The following BRINP3 variants were observed in gnomAD, a reference collection of about 807,000 sequenced individuals.
The protein encoded by BRINP3 is BMP/retinoic acid-inducible neural-specific protein 3.
BRINP3 carries 19 observed loss-of-function variants against 71.0 expected under a neutral mutation model. That is an observed-to-expected ratio of 0.27 (90% confidence interval 0.19 to 0.39). BRINP3 has a LOEUF of 0.39. Ranked by LOEUF, BRINP3 falls within the 10% of genes least tolerant of loss-of-function variation. The pLI is 1.00. For synonymous variants in BRINP3, 380 were observed against 337.7 expected, an observed-to-expected ratio of 1.13 and a Z score of -1.37; for missense variants, 959 against 940.8, an observed-to-expected ratio of 1.02 and a Z score of -0.25.
At chr1:190,217,884 A>G (rs1656543970) in intron 6 of BRINP3, among the ~76,000 whole-genome samples, 1 of 152,068 alleles carries the variant, frequency 6.6e-6, no homozygotes, top group Non-Finnish European at 1.5e-5. Context: ...TCTAATCAGT[A>G]CTTCAAAATC....
intron 2 of BRINP3, among the ~76,000 whole-genome samples, chr1:190,358,599 T>C (rs1022176020): frequency 3.3e-5 from 5 of 152,152 alleles, no homozygotes; most frequent in African/African-American, 7.2e-5. Flanking sequence ...TGGAAGTCAG[T>C]GTGGCGATTC....
At chr1:190,237,472 A>C (rs1251616938) in intron 4 of BRINP3, among the ~76,000 whole-genome samples, 2 of 151,964 alleles carry the variant, frequency 1.3e-5, no homozygotes, top group East Asian at 3.9e-4. Flanking sequence ...ACAGAATAGC[A>C]GTTTACTTGT....
chr1:190,249,906 C>T (rs935366170), intron 4 of BRINP3, among the ~76,000 whole-genome samples: 38 of 151,652 alleles, frequency 2.5e-4, no homozygotes, highest in African/African-American at 9.2e-4. Context: ...ACAAAATTTC[C>T]ATTTATGAGT....
intron 7 of BRINP3, among the ~76,000 whole-genome samples, chr1:190,100,677 C>G (rs1036872776): frequency 5.3e-5 from 8 of 152,068 alleles, no homozygotes; most frequent in Non-Finnish European, 1.2e-4. Context: ...CACGCAAAAG[C>G]CTTTCTTGTC....
chr1:190,468,389 A>G (rs1202131807), intron 1 of BRINP3, among the ~76,000 whole-genome samples: 1 of 151,326 alleles, frequency 6.6e-6, no homozygotes, highest in Non-Finnish European at 1.5e-5. Context: ...AGCCTGTCAT[A>G]TAATGACAAA....
At chr1:190,189,647 C>A (rs772621152) in intron 6 of BRINP3, among the ~76,000 whole-genome samples, 10 of 151,834 alleles carry the variant, frequency 6.6e-5, no homozygotes, top group Non-Finnish European at 1.3e-4. Flanking sequence ...ATTCTACTCA[C>A]TTTTTTTAAT....
At chr1:190,308,539 GC>G (rs1428308157) in intron 2 of BRINP3, among the ~76,000 whole-genome samples, 3 of 151,692 alleles carry the variant, frequency 2.0e-5, no homozygotes, top group East Asian at 2.0e-4. Context: ...TATACCTAAT[GC>G]TAAATGACGA....
intron 2 of BRINP3, among the ~76,000 whole-genome samples, chr1:190,296,194 C>A (rs944910957): frequency 1.3e-5 from 2 of 149,610 alleles, no homozygotes; most frequent in Non-Finnish European, 3.0e-5. Flanking sequence ...ATATTTAAGT[C>A]TTTAATATTC....
Position 190,098,679 on chromosome 1 carries a change from A to G in BRINP3, c.1640T>C (p.Val547Ala). Residue 547 changes from valine (V) to alanine (A), a missense_variant, in exon 8 of 8, where the codon GTC becomes GCC. Transcript: ENST00000367462. ...TAAAGAGAGACCCAAAATCATATGGACCAGACTTGACTTGTACTTATTGCT... is the reference window on the plus strand; with the variant it reads ...TAAAGAGAGACCCAAAATCATATGGGCCAGACTTGACTTGTACTTATTGCT... ...LKSNKYKSSL[V>A]HMILGLSLQI... 6.2e-7 allele frequency: 1 copy of G among 1,614,176 alleles called. No homozygotes were observed. Among genetic ancestry groups the G allele is most frequent in the East Asian group, 2.2e-5 (1 of 44,868 alleles).
intron 2 of BRINP3, among the ~76,000 whole-genome samples, chr1:190,454,280 A>C (rs1675840881): frequency 6.6e-6 from 1 of 152,196 alleles, no homozygotes; most frequent in Non-Finnish European, 1.5e-5. Context: ...TACCATTTCC[A>C]TTTAGGCTGA....
chr1:190,455,950 C>CTTT lies in BRINP3; in HGVS notation c.-50-1011_-50-1010insAAA, dbSNP rs376009118. Among the ~76,000 whole-genome samples, 517 of 152,188 alleles carry CTTT rather than the reference C, an allele frequency of 3.4e-3. 3 individuals carry two copies. Among genetic ancestry groups the CTTT allele is most frequent in the African/African-American group, 0.012 (506 of 41,524 alleles). On this transcript the variant is annotated intron_variant, in intron 1 of 7. Transcript: ENST00000367462. ...TTTGAATTCAATTTTTCTTTCTATC[C>CTTT]TCATCAGCTTTTCAAACTGTATTAT...
intron 6 of BRINP3, among the ~76,000 whole-genome samples, chr1:190,205,013 G>T (rs1439495461): frequency 2.0e-5 from 3 of 151,330 alleles, no homozygotes; most frequent in African/African-American, 7.3e-5. Context: ...AAATCAGCCC[G>T]GACGATGTAT....
chr1:190,223,728 T>G (rs1024896502), intron 6 of BRINP3, among the ~76,000 whole-genome samples: 1 of 151,774 alleles, frequency 6.6e-6, no homozygotes, highest in African/African-American at 2.4e-5. Context: ...AAAGAAGAAG[T>G]CAAATTAGCG....
chr1:190,226,279 A>C lies in BRINP3; in HGVS notation c.764T>G (p.Phe255Cys), dbSNP rs754438802. The change falls in exon 6 of 8, where the codon TTT (phenylalanine) becomes TGT (cysteine). Residue 255 changes from phenylalanine to cysteine, a missense_variant. Coordinates refer to ENST00000367462, the MANE Select transcript of BRINP3 (RefSeq NM_199051.3). ...VLLPDYLQER[F>C]VQAALSYIAC... ...AATGTAGCTCAAAGCTGCTTGTACA[A>C]AACGTTCCTGAAGATAGTCTGGGAG... is the stretch of plus-strand genomic sequence containing the variant. 2 of 1,609,572 alleles carry C rather than the reference A, an allele frequency of 1.2e-6. No homozygotes were observed. Among genetic ancestry groups the C allele is most frequent in the Non-Finnish European group, 1.7e-6 (2 of 1,177,606 alleles).
chr1:190,414,891 A>G (rs1326680988), intron 2 of BRINP3, among the ~76,000 whole-genome samples: 1 of 152,208 alleles, frequency 6.6e-6, no homozygotes, highest in Admixed American at 6.5e-5. Context: ...TGCCAATCTT[A>G]TACCTCTAGT....
intron 7 of BRINP3, among the ~76,000 whole-genome samples, chr1:190,131,239 G>A (rs747287852): frequency 4.0e-5 from 6 of 151,598 alleles, no homozygotes; most frequent in Non-Finnish European, 7.4e-5. Context: ...ACCAAAAGCT[G>A]TGTACAAAGC....
intron 7 of BRINP3, among the ~76,000 whole-genome samples, chr1:190,141,511 T>A (rs2102389863): frequency 6.6e-6 from 1 of 151,352 alleles, no homozygotes; most frequent in South Asian, 2.1e-4. Flanking sequence ...TTTAATCCTC[T>A]TTCTTTCTCT....
chr1:190,470,567 G>C (rs527518029), intron 1 of BRINP3, among the ~76,000 whole-genome samples: 1 of 150,960 alleles, frequency 6.6e-6, no homozygotes, highest in Admixed American at 6.6e-5. Flanking sequence ...AAAATAGGTT[G>C]CACTGAGGGT....
chr1:190,473,180 A>G (rs1677257354), intron 1 of BRINP3, among the ~76,000 whole-genome samples: 1 of 151,970 alleles, frequency 6.6e-6, no homozygotes, highest in Non-Finnish European at 1.5e-5. Context: ...ACATATATAC[A>G]CAATGAGCAT....
Sources: allele counts gnomAD v4.1 joint callset (sites outside exome capture counted in the v4.1 genomes callset), GRCh38; gene constraint gnomAD v4.1.1; transcripts MANE v1.5; gene names NCBI Gene and HGNC (gene_info 2026-07-23, HGNC 2026-07-21).